Variants in SCHIP1 observed in about 807,000 individuals in gnomAD.
SCHIP1 encodes the protein schwannomin interacting protein 1.
SCHIP1 carries 8 observed loss-of-function variants against 29.7 expected under a neutral mutation model. That is an observed-to-expected ratio of 0.27 (90% CI 0.16 to 0.49). The LOEUF (loss-of-function observed/expected upper bound fraction) is 0.49, where lower values mean the gene tolerates loss of function less well. Ranked by LOEUF, SCHIP1 falls within the 20% of genes least tolerant of loss-of-function variation. SCHIP1 has a pLI of 0.99. For synonymous variants in SCHIP1, 76 were observed against 94.9 expected, an observed-to-expected ratio of 0.80 and a Z score of 1.16; for missense variants, 193 against 294.6, an observed-to-expected ratio of 0.66 and a Z score of 2.52.
the SCHIP1 span, among the ~76,000 whole-genome samples, chr3:159,428,806 A>T: frequency 6.6e-6 from 1 of 152,184 alleles, no homozygotes; most frequent in East Asian, 1.9e-4. Context: ...CAAATGTCCA[A>T]CCATGATAGA....
At chr3:159,534,589 G>A in the SCHIP1 span, among the ~76,000 whole-genome samples, 35 of 152,036 alleles carry the variant, frequency 2.3e-4, no homozygotes, top group African/African-American at 8.5e-4. Flanking sequence ...GGGAAAGAGA[G>A]AAAACAGAAG....
At chr3:159,772,266 T>C in the SCHIP1 span, among the ~76,000 whole-genome samples, 1 of 152,174 alleles carries the variant, frequency 6.6e-6, no homozygotes, top group East Asian at 1.9e-4. Context: ...TTCTCATGCC[T>C]CAGCCTCCGG....
chr3:159,508,027 A>G, the SCHIP1 span, among the ~76,000 whole-genome samples: 3 of 152,090 alleles, frequency 2.0e-5, no homozygotes, highest in Admixed American at 6.6e-5. Context: ...GATTGGAATA[A>G]TTTCAGAAGG....
the SCHIP1 span, among the ~76,000 whole-genome samples, chr3:159,821,804 A>G: frequency 6.6e-6 from 1 of 152,326 alleles, no homozygotes; most frequent in East Asian, 1.9e-4. Context: ...CCGAATTACC[A>G]GCATCACTAC....
chr3:159,352,864 T>A, the SCHIP1 span, among the ~76,000 whole-genome samples: 6 of 152,088 alleles, frequency 3.9e-5, no homozygotes, highest in African/African-American at 1.4e-4. Context: ...AACTTGGATA[T>A]TTAAGTTTTT....
the SCHIP1 span, among the ~76,000 whole-genome samples, chr3:159,699,812 T>C: frequency 6.6e-6 from 1 of 152,160 alleles, no homozygotes; most frequent in Non-Finnish European, 1.5e-5. Flanking sequence ...AAGATACTCT[T>C]GAAGAAACAG....
the SCHIP1 span, among the ~76,000 whole-genome samples, chr3:159,351,965 G>A: frequency 6.6e-6 from 1 of 152,184 alleles, no homozygotes; most frequent in African/African-American, 2.4e-5. Context: ...GTGCTACTGA[G>A]ATGATAATTT....
chr3:159,309,730 A>C, the SCHIP1 span, among the ~76,000 whole-genome samples: 1 of 152,160 alleles, frequency 6.6e-6, no homozygotes, highest in Non-Finnish European at 1.5e-5. Context: ...ACCTGCAAAC[A>C]ACCAGTAACT....
At chr3:159,729,338 T>C in the SCHIP1 span, among the ~76,000 whole-genome samples, 1 of 152,168 alleles carries the variant, frequency 6.6e-6, no homozygotes, top group African/African-American at 2.4e-5. Context: ...GTTTAACATA[T>C]GTAACTAATA....
the SCHIP1 span, among the ~76,000 whole-genome samples, chr3:159,413,026 G>A: frequency 6.6e-6 from 1 of 152,172 alleles, no homozygotes; most frequent in Non-Finnish European, 1.5e-5. Flanking sequence ...GACGAAAGGG[G>A]AAGCAAACAT....
the SCHIP1 span, among the ~76,000 whole-genome samples, chr3:159,572,934 G>T: frequency 1.3e-4 from 18 of 140,210 alleles, no homozygotes; most frequent in South Asian, 4.5e-4. Context: ...GCAACCTCTG[G>T]TTTTTTTTTT....
chr3:159,365,286 A>G, the SCHIP1 span, among the ~76,000 whole-genome samples: 157 of 152,250 alleles, frequency 1.0e-3, 2 homozygotes, highest in South Asian at 0.024. Context: ...AACAGAAACT[A>G]TATGTCACAG....
At chr3:159,714,606 C>A in the SCHIP1 span, among the ~76,000 whole-genome samples, 32 of 152,358 alleles carry the variant, frequency 2.1e-4, no homozygotes, top group African/African-American at 5.8e-4. Flanking sequence ...TATCCCGTGC[C>A]TGGCTCGGAG....
At chr3:159,399,074 C>A in the SCHIP1 span, 1 of 302,148 alleles carries the variant, frequency 3.3e-6, no homozygotes, top group Non-Finnish European at 4.9e-6. Flanking sequence ...ATTGGTGAGT[C>A]TCCAAAACAC....
the SCHIP1 span, among the ~76,000 whole-genome samples, chr3:159,339,601 G>A: frequency 2.0e-5 from 3 of 152,162 alleles, no homozygotes; most frequent in Admixed American, 6.6e-5. Flanking sequence ...GTTCCCTTGG[G>A]TAATAGTTTG....
the SCHIP1 span, among the ~76,000 whole-genome samples, chr3:159,520,992 A>G: frequency 9.8e-3 from 1,486 of 152,340 alleles, 22 homozygotes; most frequent in African/African-American, 0.034. Context: ...ATTTTCTAAG[A>G]ATAAATTTAT....
chr3:159,425,581 A>G, the SCHIP1 span, among the ~76,000 whole-genome samples: 2 of 152,182 alleles, frequency 1.3e-5, no homozygotes, highest in Admixed American at 1.3e-4. Context: ...AGACTCCCAC[A>G]CATTAATAAT....
the SCHIP1 span, among the ~76,000 whole-genome samples, chr3:159,704,310 C>A: frequency 6.6e-6 from 1 of 150,806 alleles, no homozygotes; most frequent in East Asian, 2.0e-4. Context: ...TGGCATGCAC[C>A]TATAGTCCCA....
the SCHIP1 span, among the ~76,000 whole-genome samples, chr3:159,611,979 T>G: frequency 6.6e-6 from 1 of 152,332 alleles, no homozygotes; most frequent in South Asian, 2.1e-4. Flanking sequence ...GAAATTATAA[T>G]TTATAAAATT....
Sources: allele counts gnomAD v4.1 joint callset (sites outside exome capture counted in the v4.1 genomes callset), GRCh38; gene constraint gnomAD v4.1.1; transcripts MANE v1.5; gene names NCBI Gene and HGNC (gene_info 2026-07-23, HGNC 2026-07-21).